RGL1: variants seen among roughly 807,000 people sequenced by gnomAD.
RGL1 encodes ral guanine nucleotide dissociation stimulator-like 1.
Under a neutral mutation model 95.2 loss-of-function variants are expected in RGL1, and 24 were observed. The observed-to-expected ratio is 0.25, with a 90% CI of 0.18 to 0.35. RGL1 has a LOEUF of 0.35. Among genes scored for constraint, RGL1 ranks in the 10% least tolerant of loss-of-function variants. The pLI is 1.00. For missense variants in RGL1, 715 were observed against 936.3 expected, an observed-to-expected ratio of 0.76 and a Z score of 3.08; for synonymous variants, 329 against 344.9, an observed-to-expected ratio of 0.95 and a Z score of 0.51.
intron 1 of RGL1, among the ~76,000 whole-genome samples, chr1:183,660,837 C>T (rs755811621): frequency 1.3e-5 from 2 of 152,118 alleles, no homozygotes; most frequent in Non-Finnish European, 2.9e-5. Flanking sequence ...TGTAAAAGAT[C>T]AGAAATTATA....
At chr1:183,816,627 T>C (rs1292970079) in intron 2 of RGL1, among the ~76,000 whole-genome samples, 1 of 152,246 alleles carries the variant, frequency 6.6e-6, no homozygotes, top group Non-Finnish European at 1.5e-5. Flanking sequence ...AAAAGTATTT[T>C]TTAATATGTA....
chr1:183,841,208 G>A (rs1389381840), intron 2 of RGL1, among the ~76,000 whole-genome samples: 1 of 152,182 alleles, frequency 6.6e-6, no homozygotes, highest in Non-Finnish European at 1.5e-5. Context: ...CAGCCATTGT[G>A]TATGTGCTAG....
chr1:183,909,820 C>T (rs746358813), intron 14 of RGL1, among the ~76,000 whole-genome samples: 4 of 152,118 alleles, frequency 2.6e-5, no homozygotes, highest in Admixed American at 1.3e-4. Flanking sequence ...ATCTGACTCC[C>T]GCCCTCCTTT....
At chr1:183,685,666 A>G (rs1308343924) in intron 1 of RGL1, among the ~76,000 whole-genome samples, 2 of 152,216 alleles carry the variant, frequency 1.3e-5, no homozygotes, top group Non-Finnish European at 2.9e-5. Flanking sequence ...GGATATATCT[A>G]TAACATAATA....
intron 2 of RGL1, among the ~76,000 whole-genome samples, chr1:183,797,114 G>A (rs1347160037): frequency 6.6e-6 from 1 of 152,092 alleles, no homozygotes; most frequent in Non-Finnish European, 1.5e-5. Context: ...TGGATCACTG[G>A]AGGTCAGGAG....
At chr1:183,783,068 CT>C (rs1659985346) in intron 2 of RGL1, among the ~76,000 whole-genome samples, 1 of 152,076 alleles carries the variant, frequency 6.6e-6, no homozygotes, top group Non-Finnish European at 1.5e-5. Context: ...TCCCAGGATC[CT>C]TGAGTTTCCT....
chr1:183,835,051 A>G (rs757613194), intron 2 of RGL1, among the ~76,000 whole-genome samples: 2 of 152,196 alleles, frequency 1.3e-5, no homozygotes, highest in Non-Finnish European at 2.9e-5. Flanking sequence ...AATGATGAGC[A>G]TCTTCTTAGG....
At chr1:183,817,622 A>T (rs1165339513) in intron 2 of RGL1, among the ~76,000 whole-genome samples, 1 of 152,144 alleles carries the variant, frequency 6.6e-6, no homozygotes, top group East Asian at 1.9e-4. Context: ...TTCTCAGCTG[A>T]CTTGTGGAGC....
intron 9 of RGL1, among the ~76,000 whole-genome samples, chr1:183,896,521 T>G (rs1244003668): frequency 6.6e-6 from 1 of 152,198 alleles, no homozygotes; most frequent in Non-Finnish European, 1.5e-5. Context: ...ATGGAACATG[T>G]TGATGCTCTA....
At chr1:183,925,776 C>G (rs1669579730) in intron 17 of RGL1, among the ~76,000 whole-genome samples, 1 of 152,212 alleles carries the variant, frequency 6.6e-6, no homozygotes, top group Non-Finnish European at 1.5e-5. Flanking sequence ...CTGCTATTCA[C>G]TAGCTGCCAT....
At chr1:183,648,022 CTTTTGTG>C in intron 1 of RGL1, 1 of 1,614,170 alleles carries the variant, frequency 6.2e-7, no homozygotes, top group Non-Finnish European at 8.5e-7. Context: ...GCCTCCTGAG[CTTTTGTG>C]TTTGGATTCC....
intron 4 of RGL1, among the ~76,000 whole-genome samples, chr1:183,872,810 A>G (rs981088461): frequency 2.6e-5 from 4 of 152,242 alleles, no homozygotes; most frequent in Non-Finnish European, 5.9e-5. Context: ...GGCAATTGAA[A>G]TTAATTGGAG....
chr1:183,882,355 G>A (rs1666872611), intron 5 of RGL1, among the ~76,000 whole-genome samples: 1 of 152,204 alleles, frequency 6.6e-6, no homozygotes, highest in African/African-American at 2.4e-5. Context: ...AAGTGGGTTA[G>A]GCTCTGCATT....
At chr1:183,886,117 A>G (rs1026844525) in intron 7 of RGL1, among the ~76,000 whole-genome samples, 3 of 152,134 alleles carry the variant, frequency 2.0e-5, no homozygotes, top group African/African-American at 7.2e-5. Context: ...TTGAGCCCCT[A>G]TTGATAGGGC....
In RGL1 at chr1:183,755,520, A is replaced by T. The variant is rs72733406; in HGVS notation, c.132+13231A>T. On this transcript the variant is annotated intron_variant, in intron 2 of 18. Transcript: ENST00000304685. ...CTTTATATAATTTCAGTACCTTTTT[A>T]AAAAAAAAGAGCAAGGAAGCAATGG... 7.9e-3 allele frequency among the ~76,000 whole-genome samples: 1,203 copies of T among 151,524 alleles called. 9 individuals carry two copies. The highest frequency in any genetic ancestry group is 0.013 in the Non-Finnish European group (856 of 67,806).
chr1:183,721,840 T>G (rs2102206236), intron 1 of RGL1, among the ~76,000 whole-genome samples: 1 of 152,366 alleles, frequency 6.6e-6, no homozygotes, highest in African/African-American at 2.4e-5. Context: ...TTGCCTACTT[T>G]TACTTTAAGA....
At chr1:183,834,275 A>G (rs1248247325) in intron 2 of RGL1, among the ~76,000 whole-genome samples, 4 of 152,132 alleles carry the variant, frequency 2.6e-5, no homozygotes, top group Non-Finnish European at 5.9e-5. Context: ...ATCAAAAGGA[A>G]TTATCCTAGC....
intron 7 of RGL1, among the ~76,000 whole-genome samples, chr1:183,885,698 G>A (rs769849190): frequency 2.6e-5 from 4 of 152,122 alleles, no homozygotes; most frequent in African/African-American, 4.8e-5. Context: ...CTGTACTTAG[G>A]GGACATACTA....
At chr1:183,866,649 A>G (rs1665856829) in intron 4 of RGL1, among the ~76,000 whole-genome samples, 1 of 152,178 alleles carries the variant, frequency 6.6e-6, no homozygotes, top group African/African-American at 2.4e-5. Flanking sequence ...GGCCACTCAC[A>G]AGGGGACTCA....
Sources: allele counts gnomAD v4.1 joint callset (sites outside exome capture counted in the v4.1 genomes callset), GRCh38; gene constraint gnomAD v4.1.1; transcripts MANE v1.5; gene names NCBI Gene and HGNC (gene_info 2026-07-23, HGNC 2026-07-21).